The following UBAP2L variants were observed in gnomAD, a reference collection of about 807,000 sequenced individuals.
UBAP2L encodes the protein ubiquitin associated protein 2 like.
Under a neutral mutation model 130.6 loss-of-function variants are expected in UBAP2L, and 12 were observed. That is an observed-to-expected ratio of 0.09 (90% CI 0.06 to 0.15). The LOEUF is 0.15. Ranked by LOEUF, UBAP2L falls within the 10% of genes least tolerant of loss-of-function variation. The pLI is 1.00. For synonymous variants in UBAP2L, 503 were observed against 524.7 expected (o/e 0.96, Z 0.57); for missense variants, 965 against 1,332.5 (o/e 0.72, Z 4.29).
intron 25 of UBAP2L, among the ~76,000 whole-genome samples, chr1:154,268,172 G>A (rs1683912583): frequency 2.0e-5 from 3 of 149,904 alleles, no homozygotes; most frequent in Admixed American, 1.3e-4. Flanking sequence ...TACAGGCATG[G>A]GCCACTGCGC....
chr1:154,263,655 G>A (rs940748876), intron 24 of UBAP2L: 3 of 418,096 alleles, frequency 7.2e-6, no homozygotes, highest in African/African-American at 2.2e-5. Context: ...AAGGTGGGGG[G>A]AGGGGAAACA....
downstream of UBAP2L, chr1:154,271,211 C>T (rs1558247807): frequency 2.8e-6 from 1 of 354,448 alleles, no homozygotes; most frequent in East Asian, 5.1e-5. Context: ...GGAGCTGAGA[C>T]CATTTCAAAG....
intron 21 of UBAP2L, among the ~76,000 whole-genome samples, chr1:154,259,492 T>A (rs1281411902): frequency 6.7e-6 from 1 of 149,590 alleles, no homozygotes; most frequent in Non-Finnish European, 1.5e-5. Context: ...GCACCCAGCC[T>A]TTTTTTTTTC....
At chr1:154,247,243 G>T (rs562760590) in intron 11 of UBAP2L, among the ~76,000 whole-genome samples, 1 of 152,188 alleles carries the variant, frequency 6.6e-6, no homozygotes, top group Admixed American at 6.6e-5. Context: ...TTCAGAACTC[G>T]GTCAGTTTTT....
intron 8 of UBAP2L, among the ~76,000 whole-genome samples, chr1:154,239,639 G>A (rs1057061722): frequency 2.0e-5 from 3 of 152,134 alleles, no homozygotes; most frequent in Non-Finnish European, 4.4e-5. Context: ...GAACATACCA[G>A]TTAGGTGTCT....
chr1:154,244,846 A>G (rs1164657350), intron 10 of UBAP2L, among the ~76,000 whole-genome samples: 1 of 151,780 alleles, frequency 6.6e-6, no homozygotes, highest in Non-Finnish European at 1.5e-5. Context: ...ATCATTGGCC[A>G]TTGGTGATTG....
At chr1:154,264,094 T>C (rs715737) in intron 24 of UBAP2L, among the ~76,000 whole-genome samples, 9,828 of 152,284 alleles carry the variant, frequency 0.065, 1,081 homozygotes, top group African/African-American at 0.22. Context: ...TTTGGTCAGA[T>C]ATCTCCTTGA....
At chr1:154,249,580 TA>T in intron 12 of UBAP2L, 143 bp downstream of exon 12, 1 of 917,558 alleles carries the variant, frequency 1.1e-6, no homozygotes, top group Non-Finnish European at 1.6e-6. Context: ...GTATTTCCCC[TA>T]ATCAAATAAG....
At chr1:154,259,808 G>A (rs1680943894) in intron 21 of UBAP2L, 140 bp from the exon 22 acceptor site, 7 of 923,900 alleles carry the variant, frequency 7.6e-6, no homozygotes, top group Admixed American at 3.4e-5. Context: ...TGGAGTTTGT[G>A]CTAACTCTAG....
At chr1:154,246,052 G>T in intron 10 of UBAP2L, 152 bp from the exon 11 acceptor site, 1 of 657,662 alleles carries the variant, frequency 1.5e-6, no homozygotes, top group African/African-American at 1.9e-5. Context: ...CAGTTATTTT[G>T]GGACATTTAA....
intron 24 of UBAP2L, among the ~76,000 whole-genome samples, 155 bp downstream of exon 24, chr1:154,261,852 GGGAGCAGCACCAACAGA>G (rs1171451559): frequency 6.6e-6 from 1 of 152,172 alleles, no homozygotes; most frequent in Non-Finnish European, 1.5e-5. Flanking sequence ...GGGTATCTGT[GGGAGCAGCACCAACAGA>G]GGAGCTTGAT....
intron 3 of UBAP2L, 136 bp downstream of exon 3, chr1:154,227,495 C>A: frequency 2.9e-6 from 2 of 699,626 alleles, no homozygotes; most frequent in East Asian, 2.9e-5. Flanking sequence ...TATAATAGGT[C>A]AGGCCAATAA....
intron 14 of UBAP2L, among the ~76,000 whole-genome samples, chr1:154,252,501 G>A (rs373559807): frequency 6.6e-6 from 1 of 151,686 alleles, no homozygotes; most frequent in African/African-American, 2.4e-5. Context: ...GGCTGGTCTT[G>A]AACTCCTGAC....
chr1:154,269,407 G>A, intron 26 of UBAP2L: 1 of 1,311,062 alleles, frequency 7.6e-7, no homozygotes, highest in Non-Finnish European at 1.0e-6. Context: ...CCAGCAGGAG[G>A]AGCAGGTAAT....
chr1:154,254,983 G>T, intron 16 of UBAP2L, 93 bp downstream of exon 16: 2 of 1,468,860 alleles, frequency 1.4e-6, no homozygotes, highest in Non-Finnish European at 1.8e-6. Context: ...GGACAATTGA[G>T]ACCCATGCTG....
chr1:154,255,097 C>G, intron 16 of UBAP2L, 55 bp from the exon 17 acceptor site: 1 of 1,591,294 alleles, frequency 6.3e-7, no homozygotes, highest in Non-Finnish European at 8.6e-7. Context: ...GGTCACCTCT[C>G]TATAGACATT....
chr1:154,256,090 G>C (rs949595079), intron 18 of UBAP2L, among the ~76,000 whole-genome samples: 2 of 152,198 alleles, frequency 1.3e-5, no homozygotes, highest in Non-Finnish European at 2.9e-5. Flanking sequence ...TTGGTCTTGG[G>C]TATGCCCAAG....
chr1:154,269,424 G>C, intron 26 of UBAP2L: 1 of 1,307,970 alleles, frequency 7.6e-7, no homozygotes, highest in Non-Finnish European at 1.0e-6. Flanking sequence ...TAATGAAATT[G>C]AATGATCATA....
At chr1:154,238,323 TC>T (rs1672351802) in intron 8 of UBAP2L, among the ~76,000 whole-genome samples, 3 of 152,342 alleles carry the variant, frequency 2.0e-5, no homozygotes, top group African/African-American at 7.2e-5. Flanking sequence ...TTACTATACT[TC>T]GGAGGCATTA....
Sources: gnomAD v4.1 joint callset for allele counts (sites outside exome capture counted in the v4.1 genomes callset) on GRCh38, gnomAD v4.1.1 for gene constraint, MANE v1.5 for transcripts, NCBI Gene and HGNC (gene_info 2026-07-23, HGNC 2026-07-21) for gene names.